The following PDE10A variants were observed in gnomAD, a reference collection of about 807,000 sequenced individuals.
The protein encoded by PDE10A is phosphodiesterase 10A, also known as cAMP and cAMP-inhibited cGMP 3',5'-cyclic phosphodiesterase 10A.
In PDE10A, 39 loss-of-function variants were observed where a neutral mutation model predicts 97.7. The observed-to-expected ratio is 0.40, with a 90% CI of 0.31 to 0.52. The LOEUF (loss-of-function observed/expected upper bound fraction) is 0.52, where lower values mean the gene tolerates loss of function less well. Among genes scored for constraint, PDE10A ranks in the 20% least tolerant of loss-of-function variants. The probability of loss-of-function intolerance (pLI) is 0.56; values close to 1 mark genes in which losing one functional copy is unlikely to be tolerated. For missense variants in PDE10A, 731 were observed against 1,047.8 expected (o/e 0.70, Z 4.17); for synonymous variants, 371 against 376.8 (o/e 0.98, Z 0.18).
At position 165,388,538 on chromosome 6, in the gene PDE10A, C is replaced by G; in HGVS notation, c.2455-85G>C. 6.4e-6 allele frequency: 8 copies of G among 1,240,590 alleles called. No homozygotes were observed. The South Asian group carries it at 7.4e-5, about 12-fold the overall frequency. 76.8% of individuals were successfully genotyped at this position (1,240,590 alleles called of 1,614,324 possible). A position where few individuals can be genotyped will look rare whatever the true frequency, so the allele number is the denominator to read the frequency against. The stretch of plus-strand genomic sequence containing the variant: ...TACCGCTTACATTCATGTCACATTA[C>G]TTTCTGGCATTAATATAGCACAAAT... On this transcript the variant is annotated intron_variant, in intron 16 of 21. Coordinates refer to ENST00000539869, the MANE Select transcript of PDE10A (RefSeq NM_001385079.1). The surrounding 1 kb of genome is among the most constrained non-coding windows in gnomAD (Gnocchi z 4.0).
chr6:165,612,002 CAT>C (rs1258498408), intron 1 of PDE10A, among the ~76,000 whole-genome samples: 17 of 152,208 alleles, frequency 1.1e-4, no homozygotes, highest in African/African-American at 2.9e-4. Flanking sequence ...TGCTGAAACA[CAT>C]ATGTTACCCA....
intron 1 of PDE10A, among the ~76,000 whole-genome samples, chr6:165,881,848 T>C (rs1164274571): frequency 6.6e-6 from 1 of 152,196 alleles, no homozygotes; most frequent in Non-Finnish European, 1.5e-5. Flanking sequence ...ATCATACATA[T>C]ATATTTTTTT....
At chr6:165,570,446 T>C (rs905551155) in intron 1 of PDE10A, among the ~76,000 whole-genome samples, 1 of 152,186 alleles carries the variant, frequency 6.6e-6, no homozygotes, top group African/African-American at 2.4e-5. Context: ...CAGTGATATT[T>C]TCACATATAC....
intron 1 of PDE10A, among the ~76,000 whole-genome samples, chr6:165,620,250 T>G (rs1308031548): frequency 6.6e-6 from 1 of 152,124 alleles, no homozygotes; most frequent in South Asian, 2.1e-4. Context: ...ATAAAGCAAT[T>G]TTTTGTTTTC....
chr6:165,432,487 G>A (rs1408885372), intron 7 of PDE10A, among the ~76,000 whole-genome samples: 1 of 152,112 alleles, frequency 6.6e-6, no homozygotes, highest in East Asian at 1.9e-4. Flanking sequence ...ACAGGAGTGA[G>A]GCCACTGAAG....
chr6:165,771,271 C>A (rs576437596), intron 1 of PDE10A, among the ~76,000 whole-genome samples: 1 of 152,266 alleles, frequency 6.6e-6, no homozygotes, highest in African/African-American at 2.4e-5. Context: ...TTATGTAGAA[C>A]CCTGGGGGCC....
At chr6:165,788,535 A>AAAAG (rs1778559281) in intron 1 of PDE10A, among the ~76,000 whole-genome samples, 1 of 149,308 alleles carries the variant, frequency 6.7e-6, no homozygotes, top group African/African-American at 2.5e-5. Context: ...AAAAAAAAAA[A>AAAAG]AAAAGAAAAG....
chr6:165,935,191 C>T (rs760167476), intron 1 of PDE10A, among the ~76,000 whole-genome samples: 5 of 152,180 alleles, frequency 3.3e-5, no homozygotes, highest in Admixed American at 6.6e-5. Context: ...CAAGAGAGAG[C>T]TGTGGAAAAC....
intron 1 of PDE10A, among the ~76,000 whole-genome samples, chr6:165,810,287 A>C (rs537882009): frequency 3.9e-5 from 6 of 152,286 alleles, no homozygotes; most frequent in East Asian, 1.9e-4. Flanking sequence ...GAAAATGTCC[A>C]AAGTAGAATC....
intron 1 of PDE10A, among the ~76,000 whole-genome samples, chr6:165,844,611 A>G (rs866179579): frequency 6.6e-5 from 10 of 152,250 alleles, no homozygotes; most frequent in African/African-American, 1.9e-4. Flanking sequence ...TAAAAGTTCA[A>G]TATGTTTTAA....
At chr6:165,407,411 A>G (rs1787283587) in intron 13 of PDE10A, among the ~76,000 whole-genome samples, 1 of 152,134 alleles carries the variant, frequency 6.6e-6, no homozygotes, top group South Asian at 2.1e-4. Flanking sequence ...TGGAGATAAT[A>G]ATAACCACAC....
At chr6:165,530,919 C>G (rs1442531669) in intron 2 of PDE10A, among the ~76,000 whole-genome samples, 3 of 152,090 alleles carry the variant, frequency 2.0e-5, no homozygotes, top group Non-Finnish European at 4.4e-5. Flanking sequence ...TCCTTCAAAC[C>G]TTTCAATAAC....
chr6:165,903,799 G>GAAATAGAGAAATA, intron 1 of PDE10A, among the ~76,000 whole-genome samples: 1 of 152,182 alleles, frequency 6.6e-6, no homozygotes, highest in African/African-American at 2.4e-5. Flanking sequence ...AGAACAGCCA[G>GAAATAGAGAAATA]GAGGAAACAG....
At chr6:165,774,832 T>TTTTTTTTTTTTTTTTTTTTG (rs1778127731) in intron 1 of PDE10A, 1 of 338 alleles carries the variant, frequency 3.0e-3, no homozygotes, top group Admixed American at 0.12. Flanking sequence ...CTTTTTTTTC[T>TTTTTTTTTTTTTTTTTTTTG]TTTTTTTTTT....
intron 1 of PDE10A, among the ~76,000 whole-genome samples, chr6:165,980,116 C>A (rs911169387): frequency 6.6e-6 from 1 of 152,206 alleles, no homozygotes; most frequent in Non-Finnish European, 1.5e-5. Flanking sequence ...GGTGTAATCA[C>A]CCTACAGCTG....
chr6:165,454,397 G>C (rs7453853), intron 3 of PDE10A, among the ~76,000 whole-genome samples: 13,387 of 152,206 alleles, frequency 0.088, 664 homozygotes, highest in East Asian at 0.19. Context: ...TGGTTTAAAT[G>C]TACCTCCCAA....
chr6:165,397,220 A>G (rs1221134586), intron 13 of PDE10A, among the ~76,000 whole-genome samples: 3 of 152,246 alleles, frequency 2.0e-5, no homozygotes, highest in African/African-American at 7.2e-5. Flanking sequence ...CATGCAGTGG[A>G]GCCAAAGGAA....
intron 1 of PDE10A, among the ~76,000 whole-genome samples, chr6:165,612,682 A>G (rs752912342): frequency 6.6e-6 from 1 of 152,146 alleles, no homozygotes; most frequent in Non-Finnish European, 1.5e-5. Context: ...TTTTTGTCTC[A>G]TGTTGAGATG....
chr6:165,732,238 G>T (rs892966815), intron 1 of PDE10A, among the ~76,000 whole-genome samples: 2 of 152,180 alleles, frequency 1.3e-5, no homozygotes. Context: ...GGATTTTTAT[G>T]ATTTAAGGTA....
Sources: allele counts gnomAD v4.1 joint callset (sites outside exome capture counted in the v4.1 genomes callset), GRCh38; gene constraint gnomAD v4.1.1; non-coding constraint Gnocchi (gnomAD v3.1); transcripts MANE v1.5; gene names NCBI Gene and HGNC (gene_info 2026-07-23, HGNC 2026-07-21).